The following STX8 variants were observed in gnomAD, a reference collection of about 807,000 sequenced individuals.
STX8 encodes syntaxin-8.
STX8 carries 23 observed loss-of-function variants against 37.5 expected under a neutral mutation model. The observed-to-expected ratio is 0.61, with a 90% CI of 0.44 to 0.87. The LOEUF (loss-of-function observed/expected upper bound fraction) is 0.87, where lower values mean the gene tolerates loss of function less well. Ranked by LOEUF, STX8 falls within the 40% of genes least tolerant of loss-of-function variation. The pLI is 0.00. For missense variants in STX8, 313 were observed against 284.7 expected (o/e 1.10, Z -0.71); for synonymous variants, 115 against 99.1 (o/e 1.16, Z -0.95).
intron 7 of STX8, among the ~76,000 whole-genome samples, chr17:9,374,758 G>A (rs73255896): frequency 0.011 from 1,610 of 152,164 alleles, 31 homozygotes; most frequent in African/African-American, 0.036. Context: ...GATCTCTAAA[G>A]TATTTCCATT....
chr17:9,427,900 C>G (rs921628525), intron 6 of STX8, among the ~76,000 whole-genome samples: 2 of 152,270 alleles, frequency 1.3e-5, no homozygotes, highest in African/African-American at 4.8e-5. Flanking sequence ...GGCTGTAACT[C>G]TACTCCGGCA....
At chr17:9,252,267 AC>A (rs1178865411) in intron 7 of STX8, among the ~76,000 whole-genome samples, 4 of 152,148 alleles carry the variant, frequency 2.6e-5, no homozygotes, top group Non-Finnish European at 4.4e-5. Flanking sequence ...ACATGGTGAA[AC>A]CCCATCTCTA....
intron 6 of STX8, among the ~76,000 whole-genome samples, chr17:9,446,557 T>C (rs1904858970): frequency 6.6e-6 from 1 of 152,182 alleles, no homozygotes; most frequent in African/African-American, 2.4e-5. Context: ...TGTTTTCCTT[T>C]TCACGGGAGT....
At chr17:9,559,751 TATATA>T (rs1907136987) in intron 2 of STX8, among the ~76,000 whole-genome samples, 1 of 6,190 alleles carries the variant, frequency 1.6e-4, no homozygotes, top group African/African-American at 2.3e-4. Flanking sequence ...TATATATATA[TATATA>T]TATATTTTTT....
rs1022974934 is a variant in STX8, at chr17:9,401,457, T to C, written c.542-22804A>G. ...ATACTCCTGTCAATCCGGAAAAATA[T>C]ACAGGGAGCTGTTAGAATATTTTAT... On this transcript the variant is annotated intron_variant, in intron 6 of 7. Transcript: ENST00000306357. Among the ~76,000 whole-genome samples, 3 of 152,224 alleles carry C rather than the reference T, an allele frequency of 2.0e-5. No individual in the cohort carries two copies. In the East Asian group the frequency reaches 5.8e-4, roughly 29 times the overall value.
intron 7 of STX8, among the ~76,000 whole-genome samples, chr17:9,300,993 C>T (rs919847842): frequency 6.6e-6 from 1 of 151,752 alleles, no homozygotes; most frequent in African/African-American, 2.4e-5. Context: ...CCACCACGCC[C>T]GGCTAATTTT....
intron 4 of STX8, among the ~76,000 whole-genome samples, chr17:9,529,246 T>TGA (rs1567598900): frequency 7.8e-5 from 1 of 12,818 alleles, no homozygotes; most frequent in African/African-American, 1.9e-4. Flanking sequence ...GACATAGCTC[T>TGA]TAGAGAGAGA....
At chr17:9,505,436 T>C (rs532104431) in intron 4 of STX8, among the ~76,000 whole-genome samples, 1 of 152,262 alleles carries the variant, frequency 6.6e-6, no homozygotes, top group South Asian at 2.1e-4. Context: ...GATGTTTGAG[T>C]TAATAATCCT....
At chr17:9,338,320 C>T (rs1351254111) in intron 7 of STX8, among the ~76,000 whole-genome samples, 2 of 152,080 alleles carry the variant, frequency 1.3e-5, no homozygotes, top group African/African-American at 4.8e-5. Flanking sequence ...TCCCAAAGTG[C>T]TGGGATTACA....
At chr17:9,354,162 T>C (rs943189519) in intron 7 of STX8, among the ~76,000 whole-genome samples, 5 of 152,098 alleles carry the variant, frequency 3.3e-5, no homozygotes, top group Non-Finnish European at 7.4e-5. Context: ...CTCTTCAATC[T>C]CCCATCTACC....
chr17:9,271,225 G>A (rs1038590615), intron 7 of STX8, among the ~76,000 whole-genome samples: 31 of 152,210 alleles, frequency 2.0e-4, no homozygotes, highest in African/African-American at 6.0e-4. Context: ...AGGCCGAAGC[G>A]GGCGGATCAC....
chr17:9,442,474 T>G (rs1254139868), intron 6 of STX8, among the ~76,000 whole-genome samples: 1 of 152,218 alleles, frequency 6.6e-6, no homozygotes, highest in Non-Finnish European at 1.5e-5. Flanking sequence ...CTCAGTGATC[T>G]CAGCTCACCG....
intron 6 of STX8, among the ~76,000 whole-genome samples, chr17:9,417,823 C>G (rs1339368582): frequency 6.6e-6 from 1 of 152,204 alleles, no homozygotes; most frequent in Non-Finnish European, 1.5e-5. Flanking sequence ...TGATGGGACT[C>G]AGAGAGCTTC....
intron 7 of STX8, among the ~76,000 whole-genome samples, chr17:9,282,035 T>A (rs1171457248): frequency 6.6e-6 from 1 of 152,240 alleles, no homozygotes; most frequent in South Asian, 2.1e-4. Flanking sequence ...CCTCATCAGA[T>A]GCCACTTCTC....
chr17:9,414,115 C>CGTCT (rs2142338834), intron 6 of STX8, among the ~76,000 whole-genome samples: 1 of 9,878 alleles, frequency 1.0e-4, no homozygotes, highest in South Asian at 4.4e-3. Context: ...TCCATCCATC[C>CGTCT]ATCCATCCAT....
chr17:9,453,179 A>G (rs2142405377), intron 6 of STX8, among the ~76,000 whole-genome samples: 1 of 152,248 alleles, frequency 6.6e-6, no homozygotes, highest in African/African-American at 2.4e-5. Flanking sequence ...GGGATCCGAA[A>G]GGTTAATTTC....
chr17:9,479,328 G>C (rs1402105615), intron 6 of STX8, among the ~76,000 whole-genome samples: 1 of 152,076 alleles, frequency 6.6e-6, no homozygotes, highest in Non-Finnish European at 1.5e-5. Context: ...GAGGTCAGGA[G>C]TTTGAGATCA....
At chr17:9,563,925 G>C (rs770859003) in intron 2 of STX8, among the ~76,000 whole-genome samples, 3 of 152,156 alleles carry the variant, frequency 2.0e-5, no homozygotes, top group Non-Finnish European at 4.4e-5. Flanking sequence ...TGGGATGCAA[G>C]GTTGGTTCAA....
intron 6 of STX8, among the ~76,000 whole-genome samples, chr17:9,442,286 C>T (rs1283785908): frequency 6.6e-6 from 1 of 152,202 alleles, no homozygotes; most frequent in African/African-American, 2.4e-5. Flanking sequence ...CTAACCACTC[C>T]AGTCTAGGCC....
Sources: gnomAD v4.1 joint callset for allele counts (sites outside exome capture counted in the v4.1 genomes callset) on GRCh38, gnomAD v4.1.1 for gene constraint, MANE v1.5 for transcripts, NCBI Gene and HGNC (gene_info 2026-07-23, HGNC 2026-07-21) for gene names.